The following RBMS3 variants were observed in gnomAD, a reference collection of about 807,000 sequenced individuals.
RBMS3 encodes RNA binding motif single stranded interacting protein 3.
In RBMS3, 27 loss-of-function variants were observed where a neutral mutation model predicts 66.8. The observed-to-expected ratio is 0.40, with a 90% CI of 0.30 to 0.56. The LOEUF (loss-of-function observed/expected upper bound fraction) is 0.56, where lower values mean the gene tolerates loss of function less well. Ranked by LOEUF, RBMS3 falls within the 20% of genes least tolerant of loss-of-function variation. The pLI is 0.40. For missense variants in RBMS3, 513 were observed against 549.5 expected (o/e 0.93, Z 0.66); for synonymous variants, 188 against 183.0 (o/e 1.03, Z -0.22).
intron 1 of RBMS3, among the ~76,000 whole-genome samples, chr3:29,373,926 A>G (rs2038336036): frequency 6.6e-6 from 1 of 152,182 alleles, no homozygotes; most frequent in Admixed American, 6.5e-5. Flanking sequence ...CCTGCCTAGT[A>G]AATGTGGAAG....
At chr3:29,869,073 C>A in intron 7 of RBMS3, 109 bp downstream of exon 7, 3 of 841,834 alleles carry the variant, frequency 3.6e-6, no homozygotes, top group African/African-American at 1.7e-5. Flanking sequence ...CATGGAACAC[C>A]CAATGTCTTC....
At chr3:29,673,160 C>T (rs948254394) in intron 4 of RBMS3, among the ~76,000 whole-genome samples, 17 of 152,196 alleles carry the variant, frequency 1.1e-4, no homozygotes, top group Admixed American at 4.6e-4. Context: ...GGGTAAATAA[C>T]GAAATGAAGG....
chr3:29,768,520 C>T (rs1455771923), intron 6 of RBMS3, among the ~76,000 whole-genome samples: 3 of 151,754 alleles, frequency 2.0e-5, no homozygotes, highest in Non-Finnish European at 4.4e-5. Flanking sequence ...TCTACTCTAC[C>T]CACCTGTGAT....
intron 2 of RBMS3, among the ~76,000 whole-genome samples, chr3:29,456,825 T>TGAC (rs1306361208): frequency 6.6e-6 from 1 of 152,148 alleles, no homozygotes; most frequent in Non-Finnish European, 1.5e-5. Context: ...GCATAAGTCC[T>TGAC]GACAATACAC....
rs148631119 is a variant in RBMS3, at chr3:29,817,172, G to T, written c.638-51686G>T. 2.8e-3 allele frequency among the ~76,000 whole-genome samples: 401 copies of T among 144,458 alleles called. 1 individual carries two copies. The highest frequency in any genetic ancestry group is 9.6e-3 in the African/African-American group (369 of 38,516). 94.8% of individuals were successfully genotyped at this position (144,458 alleles called of 152,430 possible). A position where few individuals can be genotyped will look rare whatever the true frequency, so the allele number is the denominator to read the frequency against. On this transcript the variant is annotated intron_variant, in intron 6 of 14. Transcript: ENST00000383767. The stretch of plus-strand genomic sequence containing the variant: ...TTCTTTCTAAAAATTAAAATGGGTT[G>T]CATTTCCAAATTTTCTTTTCTTTTT...
chr3:29,886,698 T>G (rs115796169), intron 8 of RBMS3, among the ~76,000 whole-genome samples: 3,215 of 151,660 alleles, frequency 0.021, 93 homozygotes, highest in African/African-American at 0.072. Flanking sequence ...GCCTGGGGAG[T>G]AATTATTATT....
intron 10 of RBMS3, among the ~76,000 whole-genome samples, chr3:29,914,460 G>A (rs142835412): frequency 1.2e-3 from 179 of 151,826 alleles, no homozygotes; most frequent in African/African-American, 3.9e-3. Context: ...CTAGCAATTC[G>A]CTCACTTTTC....
At chr3:29,999,350 T>C (rs1451490411) in intron 14 of RBMS3, among the ~76,000 whole-genome samples, 1 of 152,198 alleles carries the variant, frequency 6.6e-6, no homozygotes, top group Admixed American at 6.5e-5. Flanking sequence ...TAGAAGTCAG[T>C]GTGGTGATTC....
At chr3:29,691,731 G>A (rs778020703) in intron 4 of RBMS3, among the ~76,000 whole-genome samples, 3 of 152,086 alleles carry the variant, frequency 2.0e-5, no homozygotes, top group Non-Finnish European at 4.4e-5. Context: ...CTCTGACAGA[G>A]ACTCATAATT....
intron 7 of RBMS3, among the ~76,000 whole-genome samples, chr3:29,873,110 GT>G (rs2059531153): frequency 1.3e-5 from 2 of 152,094 alleles, no homozygotes; most frequent in East Asian, 3.9e-4. Flanking sequence ...TTTTAAAATA[GT>G]TTTTTTCTAG....
intron 6 of RBMS3, among the ~76,000 whole-genome samples, chr3:29,823,738 CAT>C (rs1400322760): frequency 1.3e-5 from 2 of 152,088 alleles, no homozygotes; most frequent in Admixed American, 6.6e-5. Context: ...AGTTCTAGCA[CAT>C]GTCTTTAGGT....
chr3:29,931,779 C>T (rs1007225973), intron 10 of RBMS3, among the ~76,000 whole-genome samples: 25 of 152,132 alleles, frequency 1.6e-4, no homozygotes, highest in African/African-American at 5.1e-4. Context: ...TACCTTCATG[C>T]CATTTATATT....
chr3:29,998,312 A>T (rs1699385238), intron 14 of RBMS3, among the ~76,000 whole-genome samples: 1 of 152,234 alleles, frequency 6.6e-6, no homozygotes, highest in Non-Finnish European at 1.5e-5. Flanking sequence ...GGTAGGAAGA[A>T]TCAATATCGT....
intron 1 of RBMS3, among the ~76,000 whole-genome samples, chr3:29,363,799 TA>T (rs35770680): frequency 0.78 from 111,526 of 142,734 alleles, 43,205 homozygotes; most frequent in East Asian, 0.86. Flanking sequence ...CAAAAACAAT[TA>T]AAAAAAAAAA....
intron 1 of RBMS3, among the ~76,000 whole-genome samples, chr3:29,285,604 T>C (rs902964474): frequency 5.3e-5 from 8 of 152,086 alleles, no homozygotes; most frequent in Non-Finnish European, 1.2e-4. Flanking sequence ...TTCAGACTAG[T>C]GGACCCAAAC....
chr3:29,719,096 C>T (rs138315206), intron 4 of RBMS3, among the ~76,000 whole-genome samples: 116 of 152,066 alleles, frequency 7.6e-4, no homozygotes, highest in African/African-American at 1.9e-3. Context: ...CTTGTTAAAA[C>T]GCAGATCTGA....
chr3:29,668,715 A>T (rs74991917), intron 4 of RBMS3, among the ~76,000 whole-genome samples: 5,464 of 152,282 alleles, frequency 0.036, 318 homozygotes, highest in African/African-American at 0.12. Flanking sequence ...ACATATTTTT[A>T]AAAAATCAGT....
rs1038049562 is a variant in RBMS3 at position 29,348,805 on chromosome 3, G to A, written c.75+67049G>A. Among the ~76,000 whole-genome samples the A allele has an allele frequency of 3.3e-4, 51 of 152,268 alleles. 1 individual carries two copies. Among genetic ancestry groups the A allele is most frequent in the Admixed American group, 3.3e-3 (51 of 15,286 alleles). On this transcript the variant is annotated intron_variant, in intron 1 of 14. Coordinates refer to ENST00000383767, the MANE Select transcript of RBMS3 (RefSeq NM_001003793.3). Reference sequence around the variant, plus strand: ...AGGCTCAATTCCGAAATTAGAATGTGCAGCTCCCATTCAATAATCCATCTT... The same window carrying A: ...AGGCTCAATTCCGAAATTAGAATGTACAGCTCCCATTCAATAATCCATCTT...
chr3:29,593,169 A>T (rs931223190), intron 4 of RBMS3, among the ~76,000 whole-genome samples: 3 of 152,182 alleles, frequency 2.0e-5, no homozygotes, highest in African/African-American at 7.2e-5. Context: ...TATAATAAAA[A>T]AAGGAAGGGT....
Sources: allele counts gnomAD v4.1 joint callset (sites outside exome capture counted in the v4.1 genomes callset), GRCh38; gene constraint gnomAD v4.1.1; transcripts MANE v1.5; gene names NCBI Gene and HGNC (gene_info 2026-07-23, HGNC 2026-07-21).